The following GTF2A1L variants were observed in gnomAD, a reference collection of about 807,000 sequenced individuals.
GTF2A1L encodes the protein TFIIA-alpha and beta-like factor.
In GTF2A1L, 48 loss-of-function variants were observed where a neutral mutation model predicts 49.7. The observed-to-expected ratio is 0.97, with a 90% confidence interval of 0.77 to 1.23. The LOEUF is 1.23. GTF2A1L is among the 50% of genes most tolerant of loss of function. The pLI, the probability that GTF2A1L is intolerant of heterozygous loss-of-function variation, is 0.00. For synonymous variants in GTF2A1L, 246 were observed against 193.5 expected, an observed-to-expected ratio of 1.27 and a Z score of -2.25; for missense variants, 736 against 564.8, an observed-to-expected ratio of 1.30 and a Z score of -3.07.
chr2:48,655,032 A>C (rs1678092934), intron 6 of GTF2A1L, among the ~76,000 whole-genome samples: 1 of 152,214 alleles, frequency 6.6e-6, no homozygotes, highest in Admixed American at 6.5e-5. Context: ...ATTTCTAAAA[A>C]GAAAAATTGC....
chr2:48,672,736 C>G (rs939920104), intron 8 of GTF2A1L, among the ~76,000 whole-genome samples: 1 of 152,060 alleles, frequency 6.6e-6, no homozygotes, highest in South Asian at 2.1e-4. Flanking sequence ...AGTTTTTGTC[C>G]TTAATTCATG....
chr2:48,626,937 G>A (rs949667543), intron 3 of GTF2A1L, among the ~76,000 whole-genome samples: 3 of 143,318 alleles, frequency 2.1e-5, no homozygotes, highest in Non-Finnish European at 4.7e-5. Context: ...TTTTGGATAG[G>A]TAGTTATTTG....
Position 48,632,832 on chromosome 2 carries a change from C to A in GTF2A1L, c.248-9570C>A, listed in dbSNP as rs191460004. ...CAGTTGTGATGACAGGTGATAGAGC[C>A]AAAGTAATTGCCAATTGGTTAACAT... On this transcript the variant is annotated intron_variant, in intron 3 of 8. Coordinates refer to ENST00000403751, the MANE Select transcript of GTF2A1L (RefSeq NM_006872.5). 3.6e-3 allele frequency: 791 copies of A among 220,936 alleles called. 1 individual carries two copies. Among genetic ancestry groups the A allele is most frequent in the South Asian group, 6.6e-3 (97 of 14,714 alleles). The allele number at this position is 220,936 out of a possible 1,614,324, so 13.7% of individuals were successfully genotyped here.
chr2:48,649,777 G>T (rs1303735159), intron 6 of GTF2A1L, among the ~76,000 whole-genome samples: 1 of 152,004 alleles, frequency 6.6e-6, no homozygotes, highest in East Asian at 1.9e-4. Context: ...ATAAACTTCA[G>T]GCACCTTAAT....
chr2:48,664,529 T>C (rs1678707859), intron 6 of GTF2A1L, among the ~76,000 whole-genome samples: 1 of 152,148 alleles, frequency 6.6e-6, no homozygotes, highest in Non-Finnish European at 1.5e-5. Flanking sequence ...TCTGTAGTTT[T>C]GTTATTTTGT....
Position 48,679,566 on chromosome 2 carries a change from G to T in GTF2A1L, c.*124G>T. On this transcript the variant is annotated 3_prime_UTR_variant, in exon 9 of 9. Coordinates refer to ENST00000403751, the MANE Select transcript of GTF2A1L (RefSeq NM_006872.5). ...GTTCAAATTTTTAGTTCACTGTATG[G>T]AATTTAATAAAATTATAATTCAGAT... The T allele has an allele frequency of 6.9e-7, 1 of 1,448,612 alleles. No homozygotes were observed. The highest frequency in any genetic ancestry group is 9.1e-7 in the Non-Finnish European group (1 of 1,103,826). The allele number at this position is 1,448,612 out of a possible 1,614,324, so 89.7% of individuals were successfully genotyped here.
intron 6 of GTF2A1L, among the ~76,000 whole-genome samples, chr2:48,663,947 G>T (rs1199392748): frequency 1.3e-5 from 2 of 152,126 alleles, no homozygotes; most frequent in Non-Finnish European, 2.9e-5. Flanking sequence ...ATTTCTAATT[G>T]TTTATTGCTA....
intron 3 of GTF2A1L, among the ~76,000 whole-genome samples, chr2:48,624,912 G>C (rs1364729891): frequency 1.4e-5 from 2 of 142,846 alleles, no homozygotes; most frequent in Non-Finnish European, 3.2e-5. Context: ...ATATTCCTCT[G>C]TGTGTGTGTG....
chr2:48,657,444 T>G (rs567836129), intron 6 of GTF2A1L, among the ~76,000 whole-genome samples: 171 of 152,240 alleles, frequency 1.1e-3, no homozygotes, highest in African/African-American at 2.1e-3. Context: ...TTCTTTTTTT[T>G]GGGGCTGCAT....
chr2:48,647,866 C>G (rs1329321104), intron 6 of GTF2A1L, among the ~76,000 whole-genome samples: 1 of 152,042 alleles, frequency 6.6e-6, no homozygotes, highest in East Asian at 1.9e-4. Flanking sequence ...ATTCTTTTTA[C>G]AAATATAAAA....
At chr2:48,666,413 A>G (rs988620115) in intron 6 of GTF2A1L, among the ~76,000 whole-genome samples, 1 of 152,028 alleles carries the variant, frequency 6.6e-6, no homozygotes, top group Non-Finnish European at 1.5e-5. Flanking sequence ...GTTTCACCAT[A>G]TTGACCAGAC....
rs752989629 is a variant in GTF2A1L at position 48,647,032 on chromosome 2, T to G, written c.968T>G (p.Val323Gly). 10 of 1,605,674 alleles carry G rather than the reference T, an allele frequency of 6.2e-6. No individual in the cohort carries two copies. In the South Asian group the frequency reaches 1.1e-4, roughly 18 times the overall value. Reference sequence around the variant, plus strand: ...ATAGAGGAACCCAGCAACATACCTGTATCAGAGAAGGTATAGTTCTGTGTC... The same window carrying G: ...ATAGAGGAACCCAGCAACATACCTGGATCAGAGAAGGTATAGTTCTGTGTC... Reference protein sequence around the residue: ...RNIEEPSNIPVSEKDSNSQVD... With the variant: ...RNIEEPSNIPGSEKDSNSQVD... The change falls in exon 6 of 9, where the codon GTA (valine) becomes GGA (glycine). Residue 323 changes from valine to glycine, a missense_variant. Coordinates refer to ENST00000403751, the MANE Select transcript of GTF2A1L (RefSeq NM_006872.5).
chr2:48,635,496 A>T (rs529490794), intron 3 of GTF2A1L, among the ~76,000 whole-genome samples: 1 of 152,134 alleles, frequency 6.6e-6, no homozygotes, highest in Admixed American at 6.5e-5. Flanking sequence ...CAGCAGGGGC[A>T]CCAAGTGATG....
chr2:48,620,334 C>G (rs761752284), intron 1 of GTF2A1L, among the ~76,000 whole-genome samples: 2 of 152,180 alleles, frequency 1.3e-5, no homozygotes, highest in African/African-American at 2.4e-5. Context: ...TAGGCTGAGA[C>G]TATGGGTCTG....
Position 48,646,790 on chromosome 2 carries a change from C to G in GTF2A1L, c.726C>G (p.Ile242Met), listed in dbSNP as rs149659316. The change falls in exon 6 of 9, where the codon ATC (isoleucine) becomes ATG (methionine). Residue 242 changes from isoleucine (I) to methionine (M), a missense_variant. Transcript: ENST00000403751. ...LLCHQESSHY[I>M]SLPGVVFSPQ... ...GTCATCAGGAAAGTTCTCACTATAT[C>G]AGTCTTCCAGGTGTTGTATTTTCTC... The G allele has an allele frequency of 4.3e-6, 7 of 1,614,098 alleles. No homozygotes were observed. The African/African-American group carries it at 9.3e-5, about 22-fold the overall frequency.
At chr2:48,640,454 C>T (rs1370150906) in intron 3 of GTF2A1L, among the ~76,000 whole-genome samples, 2 of 151,966 alleles carry the variant, frequency 1.3e-5, no homozygotes, top group African/African-American at 4.8e-5. Flanking sequence ...CAGCCAAATA[C>T]TGCATGTTCT....
At chr2:48,678,976 G>A (rs1679617097) in intron 8 of GTF2A1L, among the ~76,000 whole-genome samples, 1 of 151,906 alleles carries the variant, frequency 6.6e-6, no homozygotes, top group African/African-American at 2.4e-5. Context: ...TCAAATGACA[G>A]CTTAATATTC....
At chr2:48,645,218 A>G in intron 5 of GTF2A1L, 101 bp downstream of exon 5, 8 of 1,045,476 alleles carry the variant, frequency 7.7e-6, no homozygotes, top group Non-Finnish European at 9.4e-6. Context: ...CAGAAGTTAT[A>G]AGAACTTTTA....
intron 8 of GTF2A1L, among the ~76,000 whole-genome samples, chr2:48,673,889 C>T (rs535803216): frequency 8.5e-4 from 129 of 152,134 alleles, no homozygotes; most frequent in Non-Finnish European, 1.6e-3. Context: ...TTATGACTTA[C>T]TTTAAAGGAA....
Sources: allele counts gnomAD v4.1 joint callset (sites outside exome capture counted in the v4.1 genomes callset), GRCh38; gene constraint gnomAD v4.1.1; transcripts MANE v1.5; gene names NCBI Gene and HGNC (gene_info 2026-07-23, HGNC 2026-07-21).